The following CTNNA2 variants were observed in gnomAD, a reference collection of about 807,000 sequenced individuals.
The protein encoded by CTNNA2 is catenin alpha-2.
A neutral mutation model predicts 101.0 loss-of-function variants in CTNNA2; 42 were observed. That is an observed-to-expected ratio of 0.42 (90% confidence interval 0.32 to 0.54). The LOEUF is 0.54. Among genes scored for constraint, CTNNA2 ranks in the 20% least tolerant of loss-of-function variants. The pLI is 0.14. For missense variants in CTNNA2, 871 were observed against 1,223.1 expected (o/e 0.71, Z 4.29); for synonymous variants, 450 against 456.4 (o/e 0.99, Z 0.18).
At chr2:79,472,265 C>T (rs180945731) in intron 4 of CTNNA2, among the ~76,000 whole-genome samples, 1 of 152,184 alleles carries the variant, frequency 6.6e-6, no homozygotes, top group Non-Finnish European at 1.5e-5. Context: ...GAGAATAATC[C>T]TTTTTGGCTT....
At chr2:80,153,319 C>A (rs1425423916) in intron 7 of CTNNA2, among the ~76,000 whole-genome samples, 1 of 152,168 alleles carries the variant, frequency 6.6e-6, no homozygotes, top group Non-Finnish European at 1.5e-5. Flanking sequence ...TGTCATCCTG[C>A]CTTGCCTGAG....
At chr2:79,215,196 C>T (rs541826942) in intron 2 of CTNNA2, among the ~76,000 whole-genome samples, 22 of 152,276 alleles carry the variant, frequency 1.4e-4, no homozygotes, top group Non-Finnish European at 2.8e-4. Flanking sequence ...CAGTGGGGTC[C>T]TGCACAGATG....
chr2:79,697,321 TA>T (rs1315865257), intron 2 of CTNNA2, among the ~76,000 whole-genome samples: 1 of 151,942 alleles, frequency 6.6e-6, no homozygotes, highest in African/African-American at 2.4e-5. Flanking sequence ...TTCCGTGCAT[TA>T]AAAACAGAAT....
chr2:79,403,433 C>T (rs1288255039), intron 4 of CTNNA2, among the ~76,000 whole-genome samples: 1 of 151,848 alleles, frequency 6.6e-6, no homozygotes, highest in Non-Finnish European at 1.5e-5. Context: ...TTCAGTCCCT[C>T]AACTGAACTA....
intron 9 of CTNNA2, among the ~76,000 whole-genome samples, chr2:80,520,450 G>A (rs1356164227): frequency 6.6e-6 from 1 of 152,134 alleles, no homozygotes; most frequent in Non-Finnish European, 1.5e-5. Flanking sequence ...TAACAAAATA[G>A]CATACACTGG....
At chr2:79,510,281 A>G (rs1021305891), upstream of CTNNA2, among the ~76,000 whole-genome samples, 4 of 152,202 alleles carry the variant, frequency 2.6e-5, no homozygotes, top group South Asian at 8.3e-4. Flanking sequence ...TGTCATTGAA[A>G]TGAAGGACAA....
intron 4 of CTNNA2, among the ~76,000 whole-genome samples, chr2:79,374,732 A>T (rs930900675): frequency 1.3e-5 from 2 of 150,058 alleles, no homozygotes; most frequent in Admixed American, 1.3e-4. Context: ...ATGGAAATTT[A>T]ATTTGATTGC....
intron 4 of CTNNA2, among the ~76,000 whole-genome samples, chr2:79,387,835 A>C (rs934336838): frequency 6.6e-6 from 1 of 152,314 alleles, no homozygotes; most frequent in South Asian, 2.1e-4. Context: ...TGGTAAAATA[A>C]CCATTGAGAA....
chr2:80,627,457 C>CTAATGATCAG (rs2149820836), intron 18 of CTNNA2, among the ~76,000 whole-genome samples: 1 of 152,264 alleles, frequency 6.6e-6, no homozygotes, highest in East Asian at 1.9e-4. Flanking sequence ...TTGCATTTCT[C>CTAATGATCAG]TAATGATCAG....
chr2:80,022,740 A>T (rs1250928579), intron 7 of CTNNA2, among the ~76,000 whole-genome samples: 6 of 152,220 alleles, frequency 3.9e-5, no homozygotes, highest in African/African-American at 1.4e-4. Context: ...ACAAAAGAAC[A>T]GTGCAACTGG....
intron 9 of CTNNA2, among the ~76,000 whole-genome samples, chr2:80,449,569 A>T (rs1385193717): frequency 2.0e-5 from 3 of 152,224 alleles, no homozygotes; most frequent in African/African-American, 7.2e-5. Context: ...CTCTGACTAC[A>T]TGTTCTGTAA....
In CTNNA2 at chr2:79,805,043, A is replaced by G. The variant is rs1315312011; in HGVS notation, c.299-52970A>G. Among the ~76,000 whole-genome samples the G allele has an allele frequency of 2.0e-5, 3 of 152,268 alleles. No individual in the cohort carries two copies. In the East Asian group the frequency reaches 5.8e-4, roughly 30 times the overall value. ...ATATAGGAAGGCTTGTGGGAAGTGCATTATTAATTGAACATCAAATGCTTT... is the reference window on the plus strand; with the variant it reads ...ATATAGGAAGGCTTGTGGGAAGTGCGTTATTAATTGAACATCAAATGCTTT... On this transcript the variant is annotated intron_variant, in intron 3 of 18. Coordinates refer to ENST00000402739, the MANE Select transcript of CTNNA2 (RefSeq NM_001282597.3).
intron 7 of CTNNA2, among the ~76,000 whole-genome samples, chr2:80,022,652 G>A (rs1694649097): frequency 1.3e-5 from 2 of 152,184 alleles, no homozygotes; most frequent in Non-Finnish European, 2.9e-5. Context: ...AGACATGGGG[G>A]AAGGAGTGGA....
intron 7 of CTNNA2, among the ~76,000 whole-genome samples, chr2:80,236,476 C>A (rs925656453): frequency 2.6e-5 from 4 of 152,122 alleles, no homozygotes; most frequent in South Asian, 2.1e-4. Flanking sequence ...TGTTACTTAG[C>A]CTTTTTTCCA....
intron 4 of CTNNA2, among the ~76,000 whole-genome samples, chr2:79,444,427 G>A (rs947847371): frequency 2.0e-5 from 3 of 152,094 alleles, no homozygotes; most frequent in Non-Finnish European, 4.4e-5. Context: ...AAGTAGAATT[G>A]TCATTTAAGG....
At position 80,292,607 on chromosome 2, in the gene CTNNA2, A is replaced by T. The variant is rs76547029; in HGVS notation, c.1057-100604A>T. On this transcript the variant is annotated intron_variant, in intron 7 of 18. Transcript: ENST00000402739. ...GGTGGAGGTCATGTTTCATAAATGG[A>T]TCAAGAAGAAGTGGAGGCCTCTTCT... Among the ~76,000 whole-genome samples the T allele has an allele frequency of 4.7e-4, 72 of 152,298 alleles. No homozygotes were observed. In the East Asian group the frequency reaches 0.014, roughly 29 times the overall value.
At chr2:80,604,305 A>C (rs889407111) in intron 16 of CTNNA2, 126 bp downstream of exon 16, 4 of 712,204 alleles carry the variant, frequency 5.6e-6, no homozygotes, top group African/African-American at 3.5e-5. Flanking sequence ...AGAATCACTG[A>C]TATTTTACAC....
intron 7 of CTNNA2, among the ~76,000 whole-genome samples, chr2:80,282,442 G>A (rs1674454671): frequency 6.6e-6 from 1 of 151,920 alleles, no homozygotes; most frequent in South Asian, 2.1e-4. Context: ...TGGTAACATA[G>A]TACAACTCAC....
intron 7 of CTNNA2, among the ~76,000 whole-genome samples, chr2:80,240,519 G>A (rs1049453034): frequency 2.0e-5 from 3 of 152,128 alleles, no homozygotes; most frequent in Admixed American, 6.5e-5. Flanking sequence ...ATAGCCCTGT[G>A]AAACCCACCC....
Sources: allele counts gnomAD v4.1 joint callset (sites outside exome capture counted in the v4.1 genomes callset), GRCh38; gene constraint gnomAD v4.1.1; transcripts MANE v1.5; gene names NCBI Gene and HGNC (gene_info 2026-07-23, HGNC 2026-07-21).